SNX25: variants seen among roughly 807,000 people sequenced by gnomAD.
SNX25 encodes sorting nexin-25.
A neutral mutation model predicts 113.7 loss-of-function variants in SNX25; 62 were observed. The observed-to-expected ratio is 0.55, with a 90% CI of 0.44 to 0.67. The LOEUF is 0.67. SNX25 is among the 30% of genes least tolerant of loss of function. The probability of loss-of-function intolerance (pLI) is 0.00; values close to 1 mark genes in which losing one functional copy is unlikely to be tolerated. For synonymous variants in SNX25, 421 were observed against 436.2 expected (o/e 0.97, Z 0.43); for missense variants, 1,014 against 1,161.0 (o/e 0.87, Z 1.84).
chr4:185,367,269 A>T (rs755240949), downstream of SNX25: 1 of 1,590,976 alleles, frequency 6.3e-7, no homozygotes, highest in South Asian at 1.1e-5. Flanking sequence ...AGAGTCAGAT[A>T]TTTAGATACA....
intron 6 of SNX25, among the ~76,000 whole-genome samples, chr4:185,298,012 T>G (rs1348889255): frequency 6.6e-6 from 1 of 152,090 alleles, no homozygotes; most frequent in Non-Finnish European, 1.5e-5. Flanking sequence ...ATGGACCACC[T>G]ACATGTAGCT....
intron 6 of SNX25, among the ~76,000 whole-genome samples, chr4:185,291,306 C>T (rs948524734): frequency 6.6e-6 from 1 of 152,138 alleles, no homozygotes; most frequent in South Asian, 2.1e-4. Flanking sequence ...CACCCATCTC[C>T]GGAACTTTTC....
chr4:185,241,355 G>A (rs1743955770), intron 1 of SNX25, among the ~76,000 whole-genome samples: 1 of 151,694 alleles, frequency 6.6e-6, no homozygotes, highest in Non-Finnish European at 1.5e-5. Context: ...GCGCGCGCCT[G>A]CAATCGCAGG....
At chr4:185,256,523 C>T (rs1746447923) in intron 2 of SNX25, among the ~76,000 whole-genome samples, 1 of 151,828 alleles carries the variant, frequency 6.6e-6, no homozygotes, top group African/African-American at 2.4e-5. Context: ...CCTGTGGGCA[C>T]TTGCAAATAT....
chr4:185,371,561 A>AAT (rs1554017488), downstream of SNX25, among the ~76,000 whole-genome samples: 94 of 150,694 alleles, frequency 6.2e-4, no homozygotes, highest in African/African-American at 2.0e-3. Flanking sequence ...AAAAAAAAAA[A>AAT]AAGGATAATG....
intron 5 of SNX25, among the ~76,000 whole-genome samples, chr4:185,277,437 T>G (rs1360301647): frequency 6.6e-6 from 1 of 152,192 alleles, no homozygotes; most frequent in Admixed American, 6.5e-5. Flanking sequence ...AGATGTGTGC[T>G]GGTCGTTTTC....
intron 1 of SNX25, among the ~76,000 whole-genome samples, chr4:185,223,741 GAAA>G (rs33966647): frequency 1.8e-4 from 27 of 146,786 alleles, no homozygotes; most frequent in East Asian, 6.0e-4. Flanking sequence ...AGATCGTGCC[GAAA>G]AAAAAAAAAA....
chr4:185,271,832 C>T (rs1748973940), intron 5 of SNX25, among the ~76,000 whole-genome samples: 1 of 152,124 alleles, frequency 6.6e-6, no homozygotes, highest in South Asian at 2.1e-4. Context: ...AAAACAAACA[C>T]AAAAAACCTT....
intron 2 of SNX25, among the ~76,000 whole-genome samples, chr4:185,249,114 A>C (rs1745270161): frequency 6.6e-6 from 1 of 152,234 alleles, no homozygotes; most frequent in African/African-American, 2.4e-5. Context: ...TACAGTTGCT[A>C]TCAACAGATA....
chr4:185,272,409 C>A (rs1467956783), intron 5 of SNX25, among the ~76,000 whole-genome samples: 1 of 152,192 alleles, frequency 6.6e-6, no homozygotes, highest in Admixed American at 6.5e-5. Flanking sequence ...CCTTTCAGAA[C>A]CTCTTATAAA....
chr4:185,250,084 G>A (rs1434674386), intron 2 of SNX25, among the ~76,000 whole-genome samples: 2 of 152,108 alleles, frequency 1.3e-5, no homozygotes, highest in Admixed American at 6.5e-5. Flanking sequence ...CCTCTGAAGA[G>A]GTTTTTAGTA....
At chr4:185,261,615 A>C (rs1484806540) in intron 3 of SNX25, among the ~76,000 whole-genome samples, 1 of 152,222 alleles carries the variant, frequency 6.6e-6, no homozygotes, top group Non-Finnish European at 1.5e-5. Flanking sequence ...TCATCCAGAC[A>C]TTTACTAGCT....
At chr4:185,255,185 G>A (rs1746232368) in intron 2 of SNX25, among the ~76,000 whole-genome samples, 1 of 151,890 alleles carries the variant, frequency 6.6e-6, no homozygotes, top group African/African-American at 2.4e-5. Flanking sequence ...CCAGGCTGGA[G>A]TGCAGTGGCA....
intron 1 of SNX25, among the ~76,000 whole-genome samples, chr4:185,213,398 A>G (rs1366802893): frequency 6.6e-6 from 1 of 152,252 alleles, no homozygotes; most frequent in African/African-American, 2.4e-5. Flanking sequence ...GTATCTTCAG[A>G]TAGCACAGAA....
rs184890182 is a variant in SNX25, at chr4:185,331,828, C to T, written c.1750-767C>T. ...ATGACAACAGCCTATTTTTCTATGA[C>T]CATTGGTACTTTATTTTTCCTTGAA... On this transcript the variant is annotated intron_variant, in intron 9 of 18. Transcript: ENST00000652585. 4.6e-5 allele frequency among the ~76,000 whole-genome samples: 7 copies of T among 152,236 alleles called. No individual in the cohort carries two copies. The East Asian group carries it at 1.3e-3, about 29-fold the overall frequency.
At chr4:185,205,041 T>A (rs1386850497), upstream of SNX25, among the ~76,000 whole-genome samples, 2 of 152,194 alleles carry the variant, frequency 1.3e-5, no homozygotes, top group Non-Finnish European at 2.9e-5. Context: ...GAAATATGGG[T>A]CTTACCCTGC....
Position 185,210,099 on chromosome 4 carries a change from G to C in SNX25, c.273G>C (p.Leu91=), listed in dbSNP as rs1056553280. ...AAGAAGLSSV[L]FRLSLYLSCA... is the part of the protein sequence containing the mutation. ...GGGCCGCGGGGCTGAGCTCCGTCCT[G>C]TTCAGGCTCAGCCTGTACCTGAGCT... is the stretch of plus-strand genomic sequence containing the variant. The change falls in exon 1 of 19, where the codon CTG becomes CTC. Residue 91 remains leucine, a synonymous_variant. Transcript: ENST00000652585. The surrounding 1 kb of genome is among the most constrained non-coding windows in gnomAD (Gnocchi z 4.4). 115 of 984,120 alleles carry C rather than the reference G, an allele frequency of 1.2e-4. No homozygotes were observed. Among genetic ancestry groups the C allele is most frequent in the South Asian group, 1.4e-4 (3 of 21,306 alleles). The allele number at this position is 984,120 out of a possible 1,614,324, so 61.0% of individuals were successfully genotyped here.
chr4:185,207,362 G>A (rs906109150), upstream of SNX25, among the ~76,000 whole-genome samples: 36 of 151,698 alleles, frequency 2.4e-4, no homozygotes, highest in African/African-American at 5.8e-4. Flanking sequence ...GACTACAGGC[G>A]CACACCACCA....
Position 185,319,100 on chromosome 4 carries a change from A to AATT in SNX25, c.1345-1633_1345-1632insATT, listed in dbSNP as rs538426859. Among the ~76,000 whole-genome samples, 18 of 116,618 alleles carry AATT rather than the reference A, an allele frequency of 1.5e-4. No homozygotes were observed. The South Asian group carries it at 2.0e-3, about 13-fold the overall frequency. The allele number at this position is 116,618 out of a possible 152,430, so 76.5% of individuals were successfully genotyped here. A position where few individuals can be genotyped will look rare whatever the true frequency, so the allele number is the denominator to read the frequency against. On this transcript the variant is annotated intron_variant, in intron 7 of 18. Transcript: ENST00000652585. ...CCCTTTATTTTATTTTATTTTTTTT[A>AATT]TTTTTTTTTTTTTAAAGGACATATC...
Sources: gnomAD v4.1 joint callset for allele counts (sites outside exome capture counted in the v4.1 genomes callset) on GRCh38, gnomAD v4.1.1 for gene constraint, Gnocchi (gnomAD v3.1) non-coding constraint, MANE v1.5 for transcripts, NCBI Gene and HGNC (gene_info 2026-07-23, HGNC 2026-07-21) for gene names.